DDX6: variants seen among roughly 807,000 people sequenced by gnomAD.
DDX6 encodes probable ATP-dependent RNA helicase DDX6.
Under a neutral mutation model 60.6 loss-of-function variants are expected in DDX6, and 7 were observed. The ratio of observed to expected loss-of-function variants is 0.12; its 90% CI spans 0.07 to 0.22. The LOEUF is 0.22. Among genes scored for constraint, DDX6 ranks in the 10% least tolerant of loss-of-function variants. The pLI is 1.00. For synonymous variants in DDX6, 207 were observed against 201.0 expected, an observed-to-expected ratio of 1.03 and a Z score of -0.25; for missense variants, 270 against 589.9, an observed-to-expected ratio of 0.46 and a Z score of 5.62.
rs5795140 is a variant in DDX6, at chr11:118,779,156, C to CAAAAAAAA, written c.369+468_369+475dup. Among the ~76,000 whole-genome samples the CAAAAAAAA allele has an allele frequency of 1.6e-5, 2 of 125,878 alleles. 1 individual carries two copies. 82.6% of individuals were successfully genotyped at this position (125,878 alleles called of 152,430 possible). On this transcript the variant is annotated intron_variant, in intron 4 of 13. Coordinates refer to ENST00000534980, the MANE Select transcript of DDX6 (RefSeq NM_004397.6). ...GGGTGACAGGGCAAGACCCAGTTGC[C>CAAAAAAAA]AAAAAAAAAAAAAAAAAAGAGGGAT...
intron 12 of DDX6, 107 bp downstream of exon 12, chr11:118,755,295 C>G: frequency 1.5e-6 from 1 of 664,924 alleles, no homozygotes; most frequent in South Asian, 1.8e-5. Flanking sequence ...ACTGTTAATT[C>G]ACTGTTCTCA....
chr11:118,767,626 C>CTTTTTTTTTTTTTT lies in DDX6; in HGVS notation c.499+583_499+596dup, dbSNP rs5795138. The CTTTTTTTTTTTTTT allele has an allele frequency of 3.4e-5, 3 of 88,722 alleles. 1 individual carries two copies. Among genetic ancestry groups the CTTTTTTTTTTTTTT allele is most frequent in the Non-Finnish European group, 5.9e-5 (3 of 50,518 alleles). 5.5% of individuals were successfully genotyped at this position (88,722 alleles called of 1,614,324 possible). On this transcript the variant is annotated intron_variant, in intron 5 of 13. Coordinates refer to ENST00000534980, the MANE Select transcript of DDX6 (RefSeq NM_004397.6). ...TTTAACTTCTCATGACCTCAGCCGC[C>CTTTTTTTTTTTTTT]TTTTTTTTTTTTTTTTTTTTTTTGA... is the stretch of plus-strand genomic sequence containing the variant.
Position 118,750,821 on chromosome 11 carries a change from T to C in DDX6, c.*1284A>G, listed in dbSNP as rs1225866722. ...AATGTTTTGAAGCTTCCTTGCTCTCTCTGGTAAACCTACTCCAAAGGTACT... is the reference window on the plus strand; with the variant it reads ...AATGTTTTGAAGCTTCCTTGCTCTCCCTGGTAAACCTACTCCAAAGGTACT... On this transcript the variant is annotated 3_prime_UTR_variant, in exon 14 of 14. Coordinates refer to ENST00000534980, the MANE Select transcript of DDX6 (RefSeq NM_004397.6). 4.6e-5 allele frequency: 7 copies of C among 152,346 alleles called. No individual in the cohort carries two copies. The highest frequency in any genetic ancestry group is 8.8e-5 in the Non-Finnish European group (6 of 67,996). The allele number at this position is 152,346 out of a possible 1,614,324, so 9.4% of individuals were successfully genotyped here.
chr11:118,774,305 G>C (rs1861629095), intron 4 of DDX6, among the ~76,000 whole-genome samples: 1 of 152,020 alleles, frequency 6.6e-6, no homozygotes, highest in Non-Finnish European at 1.5e-5. Flanking sequence ...CTTTAGAATG[G>C]CAATTATTCT....
At chr11:118,754,936 A>G (rs1184327462) in intron 12 of DDX6, 49 bp from the exon 13 acceptor site, 4 of 1,502,394 alleles carry the variant, frequency 2.7e-6, no homozygotes, top group Non-Finnish European at 3.6e-6. Flanking sequence ...ATGAAAATCA[A>G]TGTGAATTGT....
chr11:118,750,629 T>G lies in DDX6; in HGVS notation c.*1476A>C, dbSNP rs547217508. 1 of 152,316 alleles carries G rather than the reference T, an allele frequency of 6.6e-6. No individual in the cohort carries two copies. The highest frequency in any genetic ancestry group is 2.4e-5 in the African/African-American group (1 of 41,568). 9.4% of individuals were successfully genotyped at this position (152,316 alleles called of 1,614,324 possible). On this transcript the variant is annotated 3_prime_UTR_variant, in exon 14 of 14. Coordinates refer to ENST00000534980, the MANE Select transcript of DDX6 (RefSeq NM_004397.6). Reference sequence around the variant, plus strand: ...TGGCTAATATTCTGAAATGCAAATCTGTGCTTTATATATATACTGCTCAAT... The same window carrying G: ...TGGCTAATATTCTGAAATGCAAATCGGTGCTTTATATATATACTGCTCAAT...
chr11:118,766,273 A>C (rs1423118993), intron 5 of DDX6, among the ~76,000 whole-genome samples: 5 of 151,692 alleles, frequency 3.3e-5, no homozygotes, highest in Non-Finnish European at 7.4e-5. Flanking sequence ...CTAAAAAAAA[A>C]AATGAAAAAA....
At chr11:118,778,678 A>G (rs1240679966) in intron 4 of DDX6, among the ~76,000 whole-genome samples, 7 of 152,100 alleles carry the variant, frequency 4.6e-5, no homozygotes, top group Non-Finnish European at 7.4e-5. Context: ...AGCAGTAATT[A>G]TAGAAGGGAA....
chr11:118,788,918 T>C (rs1193582342), intron 1 of DDX6: 1 of 152,090 alleles, frequency 6.6e-6, no homozygotes, highest in Non-Finnish European at 1.5e-5. Flanking sequence ...TAACCTCAAA[T>C]GATCTGCCCG....
intron 4 of DDX6, among the ~76,000 whole-genome samples, chr11:118,774,271 G>A (rs749464338): frequency 1.1e-4 from 17 of 152,074 alleles, no homozygotes; most frequent in Non-Finnish European, 1.9e-4. Context: ...TTCCAAAGAA[G>A]TCTAGGTTCC....
intron 10 of DDX6, 92 bp from the exon 11 acceptor site, chr11:118,756,415 A>C (rs1230900000): frequency 5.1e-6 from 5 of 988,986 alleles, no homozygotes; most frequent in Non-Finnish European, 6.2e-6. Context: ...AGTTCTACCC[A>C]AAATCTGTTT....
At chr11:118,754,115 TC>T (rs1237253259) in intron 13 of DDX6, among the ~76,000 whole-genome samples, 2 of 150,198 alleles carry the variant, frequency 1.3e-5, no homozygotes, top group Non-Finnish European at 3.0e-5. Flanking sequence ...ACAACAAAAA[TC>T]CCCCCTACAA....
Position 118,754,970 on chromosome 11 carries a change from A to T in DDX6, c.1277-83T>A, listed in dbSNP as rs1263907004. 1.4e-5 allele frequency: 17 copies of T among 1,193,044 alleles called. No individual in the cohort carries two copies. In the East Asian group the frequency reaches 3.9e-4, roughly 27 times the overall value. 73.9% of individuals were successfully genotyped at this position (1,193,044 alleles called of 1,614,324 possible). A position where few individuals can be genotyped will look rare whatever the true frequency, so the allele number is the denominator to read the frequency against. On this transcript the variant is annotated intron_variant, in intron 12 of 13. Transcript: ENST00000534980. ...GTGCAAGTCAAGCAGTGGCAAAACC[A>T]CACAGGATTGATAATGATGTTCAGT...
chr11:118,774,822 T>C (rs1565573461), intron 4 of DDX6, among the ~76,000 whole-genome samples: 1 of 151,918 alleles, frequency 6.6e-6, no homozygotes, highest in Non-Finnish European at 1.5e-5. Context: ...AGTTTTAATA[T>C]TTAGGGGAAA....
chr11:118,769,594 G>A (rs138205689), intron 4 of DDX6, among the ~76,000 whole-genome samples: 96 of 152,146 alleles, frequency 6.3e-4, no homozygotes, highest in African/African-American at 2.2e-3. Context: ...TGGGCAACAT[G>A]GCAAGCACCC....
At chr11:118,770,143 A>G (rs1284716423) in intron 4 of DDX6, among the ~76,000 whole-genome samples, 1 of 151,588 alleles carries the variant, frequency 6.6e-6, no homozygotes, top group Admixed American at 6.6e-5. Context: ...CTCCTGCCTC[A>G]GCCTCCCGAG....
rs1477224717 is a variant in DDX6, at chr11:118,749,694, C to T, written c.*2411G>A. On this transcript the variant is annotated 3_prime_UTR_variant, in exon 14 of 14. Coordinates refer to ENST00000534980, the MANE Select transcript of DDX6 (RefSeq NM_004397.6). Reference sequence around the variant, plus strand: ...ATTGCATTTATACTCTTTTCTTCTACATGAATGATCCCTCTTATCTCGCAA... The same window carrying T: ...ATTGCATTTATACTCTTTTCTTCTATATGAATGATCCCTCTTATCTCGCAA... 6.6e-6 allele frequency: 1 copy of T among 152,614 alleles called. No individual in the cohort carries two copies. Among genetic ancestry groups the T allele is most frequent in the African/African-American group, 2.4e-5 (1 of 41,446 alleles). 9.5% of individuals were successfully genotyped at this position (152,614 alleles called of 1,614,324 possible).
intron 4 of DDX6, among the ~76,000 whole-genome samples, chr11:118,769,707 TG>T (rs1861472681): frequency 6.6e-6 from 1 of 151,638 alleles, no homozygotes. Flanking sequence ...GGAAATTATG[TG>T]GAATTTTTTT....
In DDX6 at chr11:118,758,910, G is replaced by A. The variant is rs193251825; in HGVS notation, c.865-8C>T. On this transcript the variant is annotated splice_region_variant and splice_polypyrimidine_tract_variant and intron_variant, in intron 8 of 13. Coordinates refer to ENST00000534980, the MANE Select transcript of DDX6 (RefSeq NM_004397.6). Reference sequence around the variant, plus strand: ...TTTCTGCAAATGGGAATTCTGGGGGGGGAGCGGGAAAAAGATGAGTCGTCG... The same window carrying A: ...TTTCTGCAAATGGGAATTCTGGGGGAGGAGCGGGAAAAAGATGAGTCGTCG... 371 of 1,612,776 alleles carry A rather than the reference G, an allele frequency of 2.3e-4. 1 individual carries two copies. In the African/African-American group the frequency reaches 4.0e-3, roughly 17 times the overall value.
Sources: gnomAD v4.1 joint callset for allele counts (sites outside exome capture counted in the v4.1 genomes callset) on GRCh38, gnomAD v4.1.1 for gene constraint, MANE v1.5 for transcripts, NCBI Gene and HGNC (gene_info 2026-07-23, HGNC 2026-07-21) for gene names.